The following NUP107 variants were observed in gnomAD, a reference collection of about 807,000 sequenced individuals.
NUP107 encodes the protein nuclear pore complex protein Nup107.
In NUP107, 101 loss-of-function variants were observed where a neutral mutation model predicts 141.0. The ratio of observed to expected loss-of-function variants is 0.72; its 90% CI spans 0.61 to 0.84. NUP107 has a LOEUF of 0.84. Among genes scored for constraint, NUP107 ranks in the 40% least tolerant of loss-of-function variants. NUP107 has a pLI of 0.00. For synonymous variants in NUP107, 319 were observed against 363.9 expected (o/e 0.88, Z 1.41); for missense variants, 941 against 1,102.7 (o/e 0.85, Z 2.08).
At chr12:68,737,042 C>T (rs573265130) in intron 26 of NUP107, among the ~76,000 whole-genome samples, 1 of 152,250 alleles carries the variant, frequency 6.6e-6, no homozygotes, top group East Asian at 1.9e-4. Context: ...AATAGAACTC[C>T]TTTGACTCGT....
chr12:68,691,860 G>A (rs542651808), intron 4 of NUP107, 108 bp from the exon 5 acceptor site: 5 of 748,742 alleles, frequency 6.7e-6, no homozygotes, highest in Non-Finnish European at 9.8e-6. Flanking sequence ...AAAAAAAGAC[G>A]CATACATACA....
At chr12:68,705,716 G>T in intron 8 of NUP107, 1 of 660,540 alleles carries the variant, frequency 1.5e-6, no homozygotes, top group Non-Finnish European at 2.8e-6. Context: ...TACATGTGTG[G>T]GCCCAGTGCC....
chr12:68,713,827 G>C lies in NUP107; in HGVS notation c.969+19G>C. On this transcript the variant is annotated intron_variant, in intron 11 of 27. Transcript: ENST00000229179. ...TGAATTGGTAAATGTTCTTTGAAAT[G>C]AAAGTTGCCTTCAAAGTTAACTGAT... The C allele has an allele frequency of 2.5e-6, 4 of 1,572,520 alleles. No individual in the cohort carries two copies. The highest frequency in any genetic ancestry group is 1.2e-5 in the South Asian group (1 of 84,654).
At position 68,710,138 on chromosome 12, in the gene NUP107, T is replaced by C. The variant is rs377363438; in HGVS notation, c.890+45T>C. ...TTCTTAAGGTCACTCAATGTTGATATTGTTCATTCATCTTTCAATAAGTAT... is the reference window on the plus strand; with the variant it reads ...TTCTTAAGGTCACTCAATGTTGATACTGTTCATTCATCTTTCAATAAGTAT... On this transcript the variant is annotated intron_variant, in intron 10 of 27. Transcript: ENST00000229179. 223 of 958,620 alleles carry C rather than the reference T, an allele frequency of 2.3e-4. No individual in the cohort carries two copies. In the African/African-American group the frequency reaches 2.9e-3, roughly 13 times the overall value. 59.4% of individuals were successfully genotyped at this position (958,620 alleles called of 1,614,324 possible).
intron 26 of NUP107, among the ~76,000 whole-genome samples, chr12:68,739,409 A>G (rs1229503432): frequency 1.3e-5 from 2 of 152,240 alleles, no homozygotes; most frequent in Non-Finnish European, 2.9e-5. Flanking sequence ...GGAGGCTTTC[A>G]GTGGTACTTA....
intron 1 of NUP107, among the ~76,000 whole-genome samples, chr12:68,688,129 A>G (rs1415853313): frequency 1.3e-5 from 2 of 152,218 alleles, no homozygotes; most frequent in Non-Finnish European, 2.9e-5. Context: ...CTGGGGTCAC[A>G]TTGTAAATAT....
chr12:68,732,830 C>A, intron 23 of NUP107, 91 bp downstream of exon 23: 2 of 731,994 alleles, frequency 2.7e-6, no homozygotes, highest in Non-Finnish European at 4.4e-6. Flanking sequence ...CAGGCACCCA[C>A]CACCACACCC....
At chr12:68,732,899 T>C (rs1877900118) in intron 23 of NUP107, 160 bp downstream of exon 23, 2 of 436,972 alleles carry the variant, frequency 4.6e-6, no homozygotes, top group Admixed American at 3.8e-5. Context: ...CCTAGGCGGG[T>C]CTCGAACTCC....
chr12:68,707,268 A>G (rs1348110357), intron 8 of NUP107, among the ~76,000 whole-genome samples: 3 of 151,658 alleles, frequency 2.0e-5, no homozygotes, highest in Non-Finnish European at 4.4e-5. Flanking sequence ...TTTTTTTTCC[A>G]AAATAAAACC....
intron 23 of NUP107, 139 bp downstream of exon 23, chr12:68,732,878 TC>T: frequency 4.0e-6 from 2 of 498,712 alleles, no homozygotes; most frequent in East Asian, 6.2e-5. Flanking sequence ...AGATGGGGTC[TC>T]ACTATGTTGC....
intron 15 of NUP107, among the ~76,000 whole-genome samples, chr12:68,721,632 G>A (rs1169863480): frequency 6.6e-6 from 1 of 152,134 alleles, no homozygotes; most frequent in African/African-American, 2.4e-5. Context: ...TGATGTTGTT[G>A]TTAACAGTAT....
chr12:68,719,523 A>C, intron 13 of NUP107, 55 bp from the exon 14 acceptor site: 1 of 1,561,594 alleles, frequency 6.4e-7, no homozygotes, highest in Non-Finnish European at 8.8e-7. Context: ...CTTTTTAGAA[A>C]GAATTGTAAT....
intron 3 of NUP107, 51 bp downstream of exon 3, chr12:68,689,670 C>A (rs1875685508): frequency 1.8e-6 from 2 of 1,082,478 alleles, no homozygotes; most frequent in African/African-American, 1.6e-5. Context: ...ATTATAATAG[C>A]AACTAACATT....
chr12:68,722,681 A>G lies in NUP107; in HGVS notation c.1506+529A>G, dbSNP rs11177341. Among the ~76,000 whole-genome samples, 214 of 152,196 alleles carry G rather than the reference A, an allele frequency of 1.4e-3. 1 individual carries two copies. The highest frequency in any genetic ancestry group is 2.6e-3 in the Non-Finnish European group (177 of 68,010). On this transcript the variant is annotated intron_variant, in intron 17 of 27. Transcript: ENST00000229179. ...AATAATGTAGATACTCCAATTTAGA[A>G]TTTTGATTTTTGTGTTTTTCACATT...
At chr12:68,709,348 G>A in intron 9 of NUP107, 39 bp downstream of exon 9, 1 of 1,249,018 alleles carries the variant, frequency 8.0e-7, no homozygotes, top group Non-Finnish European at 1.1e-6. Flanking sequence ...ATGAAACATG[G>A]AGAAAAGGTT....
At chr12:68,701,174 AT>A (rs1344631591) in intron 7 of NUP107, among the ~76,000 whole-genome samples, 1 of 152,208 alleles carries the variant, frequency 6.6e-6, no homozygotes, top group African/African-American at 2.4e-5. Flanking sequence ...AGTTAACCAA[AT>A]TTTCCAGAAG....
At chr12:68,703,213 T>C (rs572707872) in intron 8 of NUP107, among the ~76,000 whole-genome samples, 1 of 152,270 alleles carries the variant, frequency 6.6e-6, no homozygotes, top group East Asian at 1.9e-4. Flanking sequence ...AAATAAAAAG[T>C]TCAGTCTCAT....
chr12:68,702,989 G>A (rs548371336), intron 8 of NUP107, among the ~76,000 whole-genome samples: 5 of 151,750 alleles, frequency 3.3e-5, no homozygotes, highest in African/African-American at 7.3e-5. Flanking sequence ...GATTACAGGC[G>A]TGCCCCACCA....
At chr12:68,704,525 C>G (rs1876485328) in intron 8 of NUP107, among the ~76,000 whole-genome samples, 1 of 150,630 alleles carries the variant, frequency 6.6e-6, no homozygotes, top group African/African-American at 2.4e-5. Flanking sequence ...GTGATCTCAG[C>G]TCACTCCAAC....
Sources: gnomAD v4.1 joint callset for allele counts (sites outside exome capture counted in the v4.1 genomes callset) on GRCh38, gnomAD v4.1.1 for gene constraint, MANE v1.5 for transcripts, NCBI Gene and HGNC (gene_info 2026-07-23, HGNC 2026-07-21) for gene names.